CABLES1: variants seen among roughly 807,000 people sequenced by gnomAD.
CABLES1 encodes the protein CDK5 and ABL1 enzyme substrate 1.
CABLES1 carries 36 observed loss-of-function variants against 57.8 expected under a neutral mutation model. The observed-to-expected ratio is 0.62, with a 90% CI of 0.48 to 0.82. The LOEUF (loss-of-function observed/expected upper bound fraction) is 0.82. Ranked by LOEUF, CABLES1 falls within the 40% of genes least tolerant of loss-of-function variation. The pLI, the probability that CABLES1 is intolerant of heterozygous loss-of-function variation, is 0.00. For missense variants in CABLES1, 767 were observed against 836.6 expected, an observed-to-expected ratio of 0.92 and a Z score of 1.03; for synonymous variants, 374 against 363.0, an observed-to-expected ratio of 1.03 and a Z score of -0.35.
intron 7 of CABLES1, among the ~76,000 whole-genome samples, chr18:23,245,031 C>T (rs2047839990): frequency 6.6e-6 from 1 of 152,226 alleles, no homozygotes; most frequent in Non-Finnish European, 1.5e-5. Flanking sequence ...CTGAGACCCT[C>T]ACTGTTCTCC....
chr18:23,182,565 G>A (rs7229931), intron 1 of CABLES1, among the ~76,000 whole-genome samples: 1,974 of 152,318 alleles, frequency 0.013, 34 homozygotes, highest in African/African-American at 0.046. Context: ...AGAATCTCAA[G>A]GTGGGCTCAG....
intron 1 of CABLES1, among the ~76,000 whole-genome samples, chr18:23,174,757 C>G (rs768171492): frequency 1.4e-5 from 2 of 139,874 alleles, no homozygotes; most frequent in African/African-American, 2.5e-5. Flanking sequence ...CAGGTGTGAG[C>G]CCACCGCGCC....
intron 1 of CABLES1, among the ~76,000 whole-genome samples, chr18:23,186,417 T>C (rs935656443): frequency 6.6e-6 from 1 of 151,352 alleles, no homozygotes; most frequent in Non-Finnish European, 1.5e-5. Context: ...TGCTTTCTTT[T>C]CTCTTCTTTT....
chr18:23,145,067 C>G (rs1016686248), intron 1 of CABLES1, among the ~76,000 whole-genome samples: 1 of 152,048 alleles, frequency 6.6e-6, no homozygotes, highest in African/African-American at 2.4e-5. Context: ...TCCCAAGTAG[C>G]TGGGATTACA....
At chr18:23,243,801 G>A (rs950836803) in intron 7 of CABLES1, among the ~76,000 whole-genome samples, 7 of 150,944 alleles carry the variant, frequency 4.6e-5, no homozygotes. Flanking sequence ...GAACCCGGGA[G>A]GCAGAGGTTG....
At chr18:23,219,926 T>A (rs118012749) in intron 4 of CABLES1, among the ~76,000 whole-genome samples, 5 of 152,304 alleles carry the variant, frequency 3.3e-5, no homozygotes, top group Non-Finnish European at 7.4e-5. Flanking sequence ...TTTTTAAAAA[T>A]GGGCAGATCT....
intron 1 of CABLES1, among the ~76,000 whole-genome samples, chr18:23,149,541 C>A (rs998527514): frequency 2.0e-5 from 3 of 152,216 alleles, no homozygotes; most frequent in African/African-American, 7.2e-5. Context: ...CTCAGTCTCC[C>A]AAGGTGCTGG....
chr18:23,245,503 CAAA>C (rs914289893), intron 7 of CABLES1, among the ~76,000 whole-genome samples: 91 of 94,532 alleles, frequency 9.6e-4, no homozygotes, highest in African/African-American at 2.7e-3. Context: ...CATCCTGTCT[CAAA>C]AAAAAAAAAA....
At chr18:23,238,446 A>C (rs2047659450) in intron 7 of CABLES1, among the ~76,000 whole-genome samples, 1 of 152,126 alleles carries the variant, frequency 6.6e-6, no homozygotes, top group African/African-American at 2.4e-5. Context: ...TTAGTTTGAA[A>C]TTGCCGCTTC....
chr18:23,212,765 C>T (rs1014568774), intron 3 of CABLES1, among the ~76,000 whole-genome samples: 3 of 151,924 alleles, frequency 2.0e-5, no homozygotes, highest in Non-Finnish European at 4.4e-5. Context: ...GGAGACAGCA[C>T]CAAAAAGGGA....
intron 7 of CABLES1, among the ~76,000 whole-genome samples, chr18:23,249,933 G>T (rs1412657197): frequency 6.6e-6 from 1 of 152,188 alleles, no homozygotes; most frequent in African/African-American, 2.4e-5. Context: ...CCCAGCGCTG[G>T]CCCCTGCCTG....
chr18:23,145,817 A>G (rs143301349), intron 1 of CABLES1, among the ~76,000 whole-genome samples: 1 of 152,344 alleles, frequency 6.6e-6, no homozygotes, highest in East Asian at 1.9e-4. Flanking sequence ...ACTAGATCAT[A>G]TTTAATGAGG....
At chr18:23,190,042 G>C (rs1162160532) in intron 2 of CABLES1, among the ~76,000 whole-genome samples, 1 of 152,190 alleles carries the variant, frequency 6.6e-6, no homozygotes, top group Non-Finnish European at 1.5e-5. Flanking sequence ...GTGCCTCCTA[G>C]GATGTGTGGT....
At chr18:23,256,628 C>T (rs2048173792) in intron 9 of CABLES1, among the ~76,000 whole-genome samples, 1 of 151,968 alleles carries the variant, frequency 6.6e-6, no homozygotes, top group Non-Finnish European at 1.5e-5. Flanking sequence ...TTACAGGCGC[C>T]CACCGCCACG....
chr18:23,209,802 G>GAGACATTGCCTTTTT (rs58487412), intron 3 of CABLES1, among the ~76,000 whole-genome samples: 24,205 of 151,610 alleles, frequency 0.16, 2,416 homozygotes, highest in Admixed American at 0.31. Flanking sequence ...TGGCTGGTGA[G>GAGACATTGCCTTTTT]AGACATTGCC....
intron 4 of CABLES1, among the ~76,000 whole-genome samples, chr18:23,220,771 G>C (rs927500879): frequency 1.5e-4 from 23 of 152,200 alleles, no homozygotes; most frequent in Non-Finnish European, 1.0e-4. Flanking sequence ...GGAGCTTGCT[G>C]GTTCACCCTG....
intron 1 of CABLES1, among the ~76,000 whole-genome samples, chr18:23,152,447 T>C (rs2046936898): frequency 6.6e-6 from 1 of 151,984 alleles, no homozygotes; most frequent in African/African-American, 2.4e-5. Flanking sequence ...ATGATATTTA[T>C]GGTTAGATAC....
intron 1 of CABLES1, among the ~76,000 whole-genome samples, chr18:23,168,406 G>A (rs1331516930): frequency 3.9e-5 from 6 of 152,164 alleles, no homozygotes; most frequent in Admixed American, 6.5e-5. Flanking sequence ...GAATCTGCTC[G>A]AATAGTCAAA....
intron 1 of CABLES1, among the ~76,000 whole-genome samples, chr18:23,162,862 C>T (rs2047014559): frequency 6.6e-6 from 1 of 152,154 alleles, no homozygotes; most frequent in South Asian, 2.1e-4. Flanking sequence ...CAAAGCTGTT[C>T]ATGTCCTGTG....
Sources: gnomAD v4.1 joint callset for allele counts (sites outside exome capture counted in the v4.1 genomes callset) on GRCh38, gnomAD v4.1.1 for gene constraint, MANE v1.5 for transcripts, NCBI Gene and HGNC (gene_info 2026-07-23, HGNC 2026-07-21) for gene names.